Variants in GLRA2 observed in about 807,000 individuals in gnomAD.
GLRA2 encodes glycine receptor alpha 2.
In GLRA2, 11 loss-of-function variants were observed where a neutral mutation model predicts 31.6. The ratio of observed to expected loss-of-function variants is 0.35; its 90% CI spans 0.22 to 0.58. GLRA2 has a LOEUF of 0.58. Among genes scored for constraint, GLRA2 ranks in the 20% least tolerant of loss-of-function variants. GLRA2 has a pLI of 0.84. For missense variants in GLRA2, 212 were observed against 351.8 expected, an observed-to-expected ratio of 0.60 and a Z score of 3.18; for synonymous variants, 132 against 134.0, an observed-to-expected ratio of 0.99 and a Z score of 0.10.
At chrX:14,533,958 A>G (rs777293041) in intron 2 of GLRA2, among the ~76,000 whole-genome samples, 51 of 111,708 alleles carry the variant, frequency 4.6e-4, no homozygotes, top group Non-Finnish European at 7.6e-4. Flanking sequence ...CAAGTTTACA[A>G]GCATCTTCTT....
At chrX:14,614,580 T>A (rs1211926388) in intron 7 of GLRA2, among the ~76,000 whole-genome samples, 1 of 112,012 alleles carries the variant, frequency 8.9e-6, no homozygotes, top group Non-Finnish European at 1.9e-5. Flanking sequence ...ATGATAGAAA[T>A]GCAACTTAAC....
intron 2 of GLRA2, among the ~76,000 whole-genome samples, chrX:14,535,456 ACT>A (rs1309278180): frequency 4.5e-5 from 5 of 111,826 alleles, no homozygotes; most frequent in Non-Finnish European, 9.4e-5. Context: ...TCAGACTTAG[ACT>A]CTGTAATTGA....
At chrX:14,519,987 T>C in the GLRA2 span, among the ~76,000 whole-genome samples, 1 of 112,332 alleles carries the variant, frequency 8.9e-6, no homozygotes, top group Admixed American at 9.4e-5. Context: ...TCATTGTCTA[T>C]AATGAATGTA....
intron 4 of GLRA2, among the ~76,000 whole-genome samples, chrX:14,593,794 G>A (rs748936766): frequency 4.4e-5 from 5 of 112,894 alleles, no homozygotes; most frequent in Non-Finnish European, 9.4e-5. Context: ...ACATACGTAT[G>A]GACATACTTG....
At chrX:14,451,864 A>G in the GLRA2 span, among the ~76,000 whole-genome samples, 1 of 111,286 alleles carries the variant, frequency 9.0e-6, no homozygotes, top group East Asian at 2.8e-4. Flanking sequence ...AAAAAGGACA[A>G]AGAAGGTCAT....
At chrX:14,687,596 C>A (rs969236539) in intron 7 of GLRA2, among the ~76,000 whole-genome samples, 1 of 112,126 alleles carries the variant, frequency 8.9e-6, no homozygotes. Flanking sequence ...TTGATCGAAT[C>A]GGCTACTGAA....
chrX:14,451,696 C>T, the GLRA2 span, among the ~76,000 whole-genome samples: 2 of 102,377 alleles, frequency 2.0e-5, no homozygotes, highest in Non-Finnish European at 4.0e-5. Context: ...ATTAAAAAAC[C>T]GAGACCTAAC....
In GLRA2 at chrX:14,618,184, T is replaced by C. The variant is rs772916585; in HGVS notation, c.930+8979T>C. Among the ~76,000 whole-genome samples, 5 of 112,087 alleles carry C rather than the reference T, an allele frequency of 4.5e-5. No individual in the cohort carries two copies. The East Asian group carries it at 1.4e-3, about 32-fold the overall frequency. On this transcript the variant is annotated intron_variant, in intron 7 of 8. Transcript: ENST00000218075. Reference sequence around the variant, plus strand: ...CTTTGGAAAAGTTTCCTCATAGCTTTCCATAAGAAGAAGCCTCAATTAGGC... The same window carrying C: ...CTTTGGAAAAGTTTCCTCATAGCTTCCCATAAGAAGAAGCCTCAATTAGGC...
chrX:14,543,695 C>A (rs1348779794), intron 2 of GLRA2, among the ~76,000 whole-genome samples: 1 of 111,825 alleles, frequency 8.9e-6, no homozygotes, highest in Non-Finnish European at 1.9e-5. Context: ...GAAATGTTCT[C>A]TAAGTTTTTA....
At chrX:14,621,097 C>T (rs1199450650) in intron 7 of GLRA2, among the ~76,000 whole-genome samples, 1 of 111,271 alleles carries the variant, frequency 9.0e-6, no homozygotes, top group East Asian at 2.9e-4. Context: ...CAGAAGAGCC[C>T]GTAAGTAGTT....
chrX:14,608,748 T>G (rs2090365239), intron 6 of GLRA2, among the ~76,000 whole-genome samples: 1 of 110,874 alleles, frequency 9.0e-6, no homozygotes, highest in South Asian at 3.7e-4. Flanking sequence ...ATGGTTTTGG[T>G]CCAGTGACTC....
At chrX:14,472,844 G>T in the GLRA2 span, among the ~76,000 whole-genome samples, 3 of 111,221 alleles carry the variant, frequency 2.7e-5, no homozygotes, top group African/African-American at 9.8e-5. Flanking sequence ...TTCTGTGTGT[G>T]TTAGGGAATG....
At chrX:14,466,345 A>G in the GLRA2 span, among the ~76,000 whole-genome samples, 19 of 111,550 alleles carry the variant, frequency 1.7e-4, no homozygotes, top group African/African-American at 5.2e-4. Flanking sequence ...GATTCTTGGC[A>G]TCCATCTACC....
intron 8 of GLRA2, among the ~76,000 whole-genome samples, chrX:14,691,481 T>C (rs2091360954): frequency 8.9e-6 from 1 of 112,108 alleles, no homozygotes; most frequent in Admixed American, 9.5e-5. Context: ...TGCAGAATTC[T>C]AAGCTTTACA....
chrX:14,641,986 A>G (rs1465950941), intron 7 of GLRA2, among the ~76,000 whole-genome samples: 1 of 112,404 alleles, frequency 8.9e-6, no homozygotes, highest in Non-Finnish European at 1.9e-5. Flanking sequence ...GGTAGAAACT[A>G]AAAGATTTAG....
At chrX:14,519,290 A>G in the GLRA2 span, among the ~76,000 whole-genome samples, 2 of 111,807 alleles carry the variant, frequency 1.8e-5, no homozygotes, top group African/African-American at 6.5e-5. Context: ...AATCCAAGAA[A>G]TGAGTAATGG....
intron 7 of GLRA2, among the ~76,000 whole-genome samples, chrX:14,657,325 G>T (rs2090950546): frequency 8.9e-6 from 1 of 112,014 alleles, no homozygotes; most frequent in Non-Finnish European, 1.9e-5. Context: ...TTTACTTTAG[G>T]ATCAGCAGGA....
intron 1 of GLRA2, chrX:14,531,115 T>TCAC (rs1189310263): frequency 7.5e-6 from 7 of 929,419 alleles, no homozygotes; most frequent in East Asian, 7.6e-5. Flanking sequence ...ATCATCATCC[T>TCAC]CACCACCACC....
the GLRA2 span, among the ~76,000 whole-genome samples, chrX:14,469,813 T>A: frequency 1.8e-5 from 2 of 108,761 alleles, no homozygotes; most frequent in Non-Finnish European, 3.8e-5. Context: ...ACCTGCACAT[T>A]GTACACATGT....
Sources: gnomAD v4.1 joint callset for allele counts (sites outside exome capture counted in the v4.1 genomes callset) on GRCh38, gnomAD v4.1.1 for gene constraint, MANE v1.5 for transcripts, NCBI Gene and HGNC (gene_info 2026-07-23, HGNC 2026-07-21) for gene names.